DGKG: variants seen among roughly 807,000 people sequenced by gnomAD.
DGKG encodes diacylglycerol kinase gamma.
A neutral mutation model predicts 105.3 loss-of-function variants in DGKG; 78 were observed. The ratio of observed to expected loss-of-function variants is 0.74; its 90% confidence interval spans 0.62 to 0.89. DGKG has a LOEUF of 0.89. Ranked by LOEUF, DGKG falls within the 40% of genes least tolerant of loss-of-function variation. The pLI is 0.00. For missense variants in DGKG, 958 were observed against 1,020.1 expected, an observed-to-expected ratio of 0.94 and a Z score of 0.83; for synonymous variants, 346 against 367.1, an observed-to-expected ratio of 0.94 and a Z score of 0.66.
chr3:186,292,170 C>T (rs571254538), intron 5 of DGKG, among the ~76,000 whole-genome samples: 6 of 152,302 alleles, frequency 3.9e-5, no homozygotes, highest in South Asian at 2.1e-4. Context: ...TTTCATGTGA[C>T]GGCTCTTGGG....
At chr3:186,319,599 C>T (rs1255159630) in intron 2 of DGKG, among the ~76,000 whole-genome samples, 6 of 152,152 alleles carry the variant, frequency 3.9e-5, no homozygotes, top group African/African-American at 1.4e-4. Context: ...AGATGAAGGG[C>T]CTCCTGGAAA....
At chr3:186,166,431 A>C (rs187904798) in intron 22 of DGKG, among the ~76,000 whole-genome samples, 5 of 152,356 alleles carry the variant, frequency 3.3e-5, no homozygotes, top group African/African-American at 1.2e-4. Context: ...TTGGAAAAAG[A>C]AGCCAGGAAA....
chr3:186,174,333 G>A (rs1005867391), intron 22 of DGKG, among the ~76,000 whole-genome samples: 2 of 152,108 alleles, frequency 1.3e-5, no homozygotes, highest in African/African-American at 4.8e-5. Context: ...AAGAAGTTCC[G>A]ACTTTGCTAC....
At chr3:186,155,958 T>C (rs184944826) in intron 24 of DGKG, among the ~76,000 whole-genome samples, 17 of 152,348 alleles carry the variant, frequency 1.1e-4, no homozygotes, top group African/African-American at 3.8e-4. Flanking sequence ...CCCATGACAC[T>C]TCTTCTATGA....
At position 186,187,178 on chromosome 3, in the gene DGKG, T is replaced by G. The variant is rs1205321703; in HGVS notation, c.2095+1024A>C. On this transcript the variant is annotated intron_variant, in intron 22 of 24. Coordinates refer to ENST00000265022, the MANE Select transcript of DGKG (RefSeq NM_001346.3). ...GAGTGTCATAACCTGACTGCTCTGA[T>G]GTGGTGGTGAGAACAGGCTACCTAG... is the stretch of plus-strand genomic sequence containing the variant. Among the ~76,000 whole-genome samples, 3 of 152,156 alleles carry G rather than the reference T, an allele frequency of 2.0e-5. No homozygotes were observed. In the East Asian group the frequency reaches 5.8e-4, roughly 29 times the overall value.
rs532494252 is a variant in DGKG, at chr3:186,210,104, T to C, written c.1917+1691A>G. On this transcript the variant is annotated intron_variant, in intron 21 of 24. Coordinates refer to ENST00000265022, the MANE Select transcript of DGKG (RefSeq NM_001346.3). This position sits in a 1 kb window ranked among gnomAD's most constrained non-coding sequence, Gnocchi z 5.2. ...TGTCTCTCAAACCCAGAGGGGACTG[T>C]GGGGCCTGGAGCCGGGAGGGCAGGC... is the stretch of plus-strand genomic sequence containing the variant. Among the ~76,000 whole-genome samples, 13 of 152,180 alleles carry C rather than the reference T, an allele frequency of 8.5e-5. No individual in the cohort carries two copies. The highest frequency in any genetic ancestry group is 1.9e-4 in the East Asian group (1 of 5,162).
At chr3:186,234,800 ATTG>A (rs1381078239) in intron 20 of DGKG, among the ~76,000 whole-genome samples, 5 of 152,172 alleles carry the variant, frequency 3.3e-5, no homozygotes, top group Non-Finnish European at 7.3e-5. Flanking sequence ...AAATGAAAGG[ATTG>A]TTAAGAGTCA....
chr3:186,243,895 G>GTTTTTTTTTTTGTTTTTTTTTTTT (rs1720804603), intron 19 of DGKG, among the ~76,000 whole-genome samples: 1 of 116,338 alleles, frequency 8.6e-6, no homozygotes, highest in African/African-American at 3.6e-5. Flanking sequence ...AAATTTCTGT[G>GTTTTTTTTTTTGTTTTTTTTTTTT]TTTTTTTTTT....
At chr3:186,189,634 A>G (rs1258947778) in intron 21 of DGKG, among the ~76,000 whole-genome samples, 1 of 152,150 alleles carries the variant, frequency 6.6e-6, no homozygotes, top group Non-Finnish European at 1.5e-5. Flanking sequence ...ACAAACCCAA[A>G]CTTCCAGAGA....
Position 186,288,764 on chromosome 3 carries a change from C to T in DGKG, c.490G>A (p.Val164Ile), listed in dbSNP as rs1723182993. The change falls in exon 6 of 25, where the codon GTT becomes ATT. Residue 164 changes from valine to isoleucine, a missense_variant. Around this residue, in one of 2 missense-constraint regions of DGKG, gnomAD observed 643 missense variants for 619.5 expected, o/e 1.04. Coordinates refer to ENST00000265022, the MANE Select transcript of DGKG (RefSeq NM_001346.3). ...TCCAGCAGGGACAGGTAGCACACAACATCCTTCAGGTATACCACTGGGGAT... is the reference window on the plus strand; with the variant it reads ...TCCAGCAGGGACAGGTAGCACACAATATCCTTCAGGTATACCACTGGGGAT... ...SESPVVYLKD[V>I]VCYLSLLETG... The T allele has an allele frequency of 6.2e-7, 1 of 1,614,094 alleles. No homozygotes were observed. The highest frequency in any genetic ancestry group is 1.3e-5 in the African/African-American group (1 of 74,940).
chr3:186,187,108 G>T (rs1379754837), intron 22 of DGKG, among the ~76,000 whole-genome samples: 1 of 152,220 alleles, frequency 6.6e-6, no homozygotes, highest in African/African-American at 2.4e-5. Context: ...TAGGCCACGT[G>T]ATCTTTGGCT....
intron 9 of DGKG, among the ~76,000 whole-genome samples, chr3:186,276,320 G>A (rs898196316): frequency 6.6e-6 from 1 of 152,176 alleles, no homozygotes; most frequent in Non-Finnish European, 1.5e-5. Context: ...ATGCCATTTC[G>A]ATGATATGTT....
intron 21 of DGKG, among the ~76,000 whole-genome samples, chr3:186,200,946 T>A (rs1038026445): frequency 6.6e-6 from 1 of 151,990 alleles, no homozygotes; most frequent in Non-Finnish European, 1.5e-5. Flanking sequence ...AAGGGGGTGT[T>A]GGCAGGCAGA....
At chr3:186,223,647 G>T (rs1719710593) in intron 20 of DGKG, among the ~76,000 whole-genome samples, 1 of 152,132 alleles carries the variant, frequency 6.6e-6, no homozygotes, top group South Asian at 2.1e-4. Flanking sequence ...ATGAGCCAGA[G>T]CCTCGCTCTG....
At chr3:186,343,873 T>C (rs957995613) in intron 1 of DGKG, among the ~76,000 whole-genome samples, 1 of 152,208 alleles carries the variant, frequency 6.6e-6, no homozygotes, top group African/African-American at 2.4e-5. Flanking sequence ...GTGAGCATTA[T>C]TTGGTGTTAC....
At position 186,361,060 on chromosome 3, in the gene DGKG, A is replaced by C. The variant is rs1404071305; in HGVS notation, c.-249+886T>G. On this transcript the variant is annotated intron_variant, in intron 1 of 24. Coordinates refer to ENST00000265022, the MANE Select transcript of DGKG (RefSeq NM_001346.3). The surrounding 1 kb of genome is among the most constrained non-coding windows in gnomAD (Gnocchi z 6.8). ...GCAGACGCTCCCGCCGCGGGGGGCG[A>C]CTGGGGGAGGGGTCTCGACCGCCAC... Among the ~76,000 whole-genome samples the C allele has an allele frequency of 5.9e-5, 9 of 152,128 alleles. No homozygotes were observed. The highest frequency in any genetic ancestry group is 5.9e-5 in the Non-Finnish European group (4 of 68,018).
rs563517413 is a variant in DGKG, at chr3:186,286,003, C to T, written c.545-1294G>A. Among the ~76,000 whole-genome samples, 57 of 152,252 alleles carry T rather than the reference C, an allele frequency of 3.7e-4. No individual in the cohort carries two copies. In the South Asian group the frequency reaches 0.011, roughly 29 times the overall value. ...GGCCTTTCCTGCTATTGTTTAAAAC[C>T]CTTCATCATGCCTGCTTTCTCTGCG... On this transcript the variant is annotated intron_variant, in intron 6 of 24. Coordinates refer to ENST00000265022, the MANE Select transcript of DGKG (RefSeq NM_001346.3).
chr3:186,216,290 G>A (rs1286709592), intron 20 of DGKG, among the ~76,000 whole-genome samples: 4 of 152,016 alleles, frequency 2.6e-5, no homozygotes, highest in Middle Eastern at 3.4e-3. Flanking sequence ...CACCGCACCC[G>A]GCCGAGCTTA....
At chr3:186,181,321 G>C (rs1474050641) in intron 22 of DGKG, among the ~76,000 whole-genome samples, 1 of 152,192 alleles carries the variant, frequency 6.6e-6, no homozygotes, top group East Asian at 1.9e-4. Flanking sequence ...CCACTGCTGG[G>C]AAAATGACTC....
Sources: gnomAD v4.1 joint callset for allele counts (sites outside exome capture counted in the v4.1 genomes callset) on GRCh38, gnomAD v4.1.1 for gene constraint, gnomAD v4.1.1 regional missense constraint, Gnocchi (gnomAD v3.1) non-coding constraint, MANE v1.5 for transcripts, NCBI Gene and HGNC (gene_info 2026-07-23, HGNC 2026-07-21) for gene names.